FBXO21: variants seen among roughly 807,000 people sequenced by gnomAD.
FBXO21 encodes the protein F-box only protein 21.
A neutral mutation model predicts 76.6 loss-of-function variants in FBXO21; 32 were observed. That is an observed-to-expected ratio of 0.42 (90% CI 0.32 to 0.56). The LOEUF is 0.56. Ranked by LOEUF, FBXO21 falls within the 20% of genes least tolerant of loss-of-function variation. FBXO21 has a pLI of 0.16. For synonymous variants in FBXO21, 328 were observed against 311.5 expected, an observed-to-expected ratio of 1.05 and a Z score of -0.56; for missense variants, 586 against 797.3, an observed-to-expected ratio of 0.73 and a Z score of 3.19.
intron 9 of FBXO21, among the ~76,000 whole-genome samples, chr12:117,162,657 A>G (rs527374656): frequency 6.6e-6 from 1 of 152,294 alleles, no homozygotes; most frequent in South Asian, 2.1e-4. Context: ...ATCAATAACA[A>G]GACAACCTTC....
chr12:117,148,480 G>A (rs753949400), intron 11 of FBXO21, among the ~76,000 whole-genome samples: 3 of 152,242 alleles, frequency 2.0e-5, no homozygotes, highest in Admixed American at 6.5e-5. Context: ...CAAGAAAGGT[G>A]GGGGTAGAAA....
chr12:117,180,475 C>G (rs918679835), intron 3 of FBXO21, among the ~76,000 whole-genome samples: 1 of 152,206 alleles, frequency 6.6e-6, no homozygotes, highest in South Asian at 2.1e-4. Flanking sequence ...TATCTTATAT[C>G]TATGTCTTCT....
intron 9 of FBXO21, among the ~76,000 whole-genome samples, chr12:117,162,773 T>C (rs1020687747): frequency 6.6e-6 from 1 of 152,144 alleles, no homozygotes; most frequent in African/African-American, 2.4e-5. Context: ...TATGTAAAAA[T>C]ACACCTCAAA....
At chr12:117,149,624 C>T (rs1955816533) in intron 11 of FBXO21, among the ~76,000 whole-genome samples, 1 of 152,208 alleles carries the variant, frequency 6.6e-6, no homozygotes, top group Admixed American at 6.5e-5. Flanking sequence ...GCTAAGTACC[C>T]TACAACGCAC....
At chr12:117,188,295 AAC>A (rs1245144594) in intron 2 of FBXO21, among the ~76,000 whole-genome samples, 4 of 152,368 alleles carry the variant, frequency 2.6e-5, no homozygotes, top group Admixed American at 2.6e-4. Context: ...CTGTAATCCC[AAC>A]ACTTTGGTTT....
At position 117,157,866 on chromosome 12, in the gene FBXO21, C is replaced by A; in HGVS notation, c.1517+7G>T. The stretch of plus-strand genomic sequence containing the variant: ...ACACTGCAGGACAGATGATCCCGGG[C>A]ACTCACCTCTTATGCTTCATAATGA... On this transcript the variant is annotated splice_region_variant and intron_variant, in intron 10 of 11. Coordinates refer to ENST00000622495, the MANE Select transcript of FBXO21 (RefSeq NM_015002.3). 2 of 1,590,876 alleles carry A rather than the reference C, an allele frequency of 1.3e-6. No individual in the cohort carries two copies. The highest frequency in any genetic ancestry group is 1.7e-6 in the Non-Finnish European group (2 of 1,165,312).
chr12:117,188,068 C>T (rs1387432593), intron 2 of FBXO21, among the ~76,000 whole-genome samples: 1 of 152,142 alleles, frequency 6.6e-6, no homozygotes, highest in South Asian at 2.1e-4. Context: ...ACTCCATTAA[C>T]TAACAGTAAT....
chr12:117,150,859 G>A (rs1235466191), intron 11 of FBXO21, among the ~76,000 whole-genome samples: 2 of 147,016 alleles, frequency 1.4e-5, no homozygotes, highest in Non-Finnish European at 3.0e-5. Flanking sequence ...AGCAGGTACA[G>A]CTGGCCATGG....
At chr12:117,149,807 T>A (rs745753532) in intron 11 of FBXO21, among the ~76,000 whole-genome samples, 50 of 152,116 alleles carry the variant, frequency 3.3e-4, no homozygotes, top group Non-Finnish European at 5.7e-4. Context: ...CGGCTTCTGT[T>A]GGGAGGAGGA....
intron 6 of FBXO21, among the ~76,000 whole-genome samples, chr12:117,173,755 C>T (rs532919122): frequency 6.6e-6 from 1 of 152,264 alleles, no homozygotes; most frequent in Admixed American, 6.5e-5. Flanking sequence ...AATATCCTTA[C>T]AGCAGAAGGA....
chr12:117,170,688 A>C (rs1195672778), intron 7 of FBXO21, among the ~76,000 whole-genome samples: 1 of 152,124 alleles, frequency 6.6e-6, no homozygotes, highest in Non-Finnish European at 1.5e-5. Context: ...GTTCATTTGC[A>C]TTATAGTGTA....
chr12:117,155,471 G>C (rs910765891), intron 11 of FBXO21: 3 of 322,936 alleles, frequency 9.3e-6, no homozygotes, highest in African/African-American at 2.1e-5. Flanking sequence ...CTTCTAGTCT[G>C]GGAGGAGCCG....
At chr12:117,174,000 G>A (rs912648369) in intron 6 of FBXO21, among the ~76,000 whole-genome samples, 8 of 152,000 alleles carry the variant, frequency 5.3e-5, no homozygotes, top group African/African-American at 7.2e-5. Context: ...AAAATTAGCC[G>A]GGTGTGGTGG....
chr12:117,150,455 T>G (rs928503531), intron 11 of FBXO21, among the ~76,000 whole-genome samples: 1 of 152,216 alleles, frequency 6.6e-6, no homozygotes, highest in African/African-American at 2.4e-5. Flanking sequence ...AGTCCTCCTG[T>G]GAGCACACAC....
rs1191031340 is a variant in FBXO21 at position 117,189,387 on chromosome 12, A to G, written c.240-25T>C. 3 of 1,613,498 alleles carry G rather than the reference A, an allele frequency of 1.9e-6. No individual in the cohort carries two copies. The Admixed American group carries it at 5.0e-5, about 27-fold the overall frequency. On this transcript the variant is annotated intron_variant, in intron 1 of 11. Coordinates refer to ENST00000622495, the MANE Select transcript of FBXO21 (RefSeq NM_015002.3). ...CCTACGAGGAGAGAAACACCCCCTC[A>G]GCTTAACAGAAACTCAAAGGCAGGC...
rs748955106 is a variant in FBXO21, at chr12:117,157,965, T to C, written c.1425A>G (p.Lys475=). 6 of 1,614,130 alleles carry C rather than the reference T, an allele frequency of 3.7e-6. No homozygotes were observed. In the Admixed American group the frequency reaches 1.0e-4, roughly 27 times the overall value. ...TCACCTCTACGCCCACCTCCTCCTT[T>C]TTGCGCTCAATGTGCTCTAGAGTGT... ...VQHTLEHIER[K]KEEVGVEVKL... is the part of the protein sequence containing the mutation. Residue 475 remains lysine (K), a synonymous_variant, in exon 10 of 12, where the codon AAA becomes AAG. Transcript: ENST00000622495.
intron 3 of FBXO21, among the ~76,000 whole-genome samples, chr12:117,183,948 T>G (rs980476234): frequency 6.6e-6 from 1 of 152,200 alleles, no homozygotes; most frequent in Non-Finnish European, 1.5e-5. Flanking sequence ...CCCTCTGAGT[T>G]TAAATATATT....
In FBXO21 at chr12:117,142,859, C is replaced by CT. The variant is rs1565991101; in HGVS notation, c.*3227dup. 6.6e-6 allele frequency: 1 copy of CT among 152,164 alleles called. No homozygotes were observed. The highest frequency in any genetic ancestry group is 1.5e-5 in the Non-Finnish European group (1 of 68,040). The allele number at this position is 152,164 out of a possible 1,614,324, so 9.4% of individuals were successfully genotyped here. ...GCAGAAAGCCTGCGACACGGCAGCTCTGCTCAGTTTTCTCCGTGGGGAAAG... is the reference window on the plus strand; with the variant it reads ...GCAGAAAGCCTGCGACACGGCAGCTCTTGCTCAGTTTTCTCCGTGGGGAAAG... On this transcript the variant is annotated 3_prime_UTR_variant, in exon 12 of 12. Coordinates refer to ENST00000622495, the MANE Select transcript of FBXO21 (RefSeq NM_015002.3).
In FBXO21 at chr12:117,174,350, CAG is replaced by C. The variant is rs1201622897; in HGVS notation, c.740-11_740-10del. On this transcript the variant is annotated splice_polypyrimidine_tract_variant and intron_variant, in intron 5 of 11. Coordinates refer to ENST00000622495, the MANE Select transcript of FBXO21 (RefSeq NM_015002.3). ...TATCATGGATGATTCACCTGAAACA[CAG>C]AGATCTACTCTGGGACCCAAGCACA... The C allele has an allele frequency of 6.2e-7, 1 of 1,613,884 alleles. No homozygotes were observed. The highest frequency in any genetic ancestry group is 8.5e-7 in the Non-Finnish European group (1 of 1,179,982).
Sources: allele counts gnomAD v4.1 joint callset (sites outside exome capture counted in the v4.1 genomes callset), GRCh38; gene constraint gnomAD v4.1.1; transcripts MANE v1.5; gene names NCBI Gene and HGNC (gene_info 2026-07-23, HGNC 2026-07-21).